Variants in APPBP2 observed in about 807,000 individuals in gnomAD.
The protein encoded by APPBP2 is amyloid protein-binding protein 2.
In APPBP2, 15 loss-of-function variants were observed where a neutral mutation model predicts 76.0. The ratio of observed to expected loss-of-function variants is 0.20; its 90% confidence interval spans 0.13 to 0.30. The LOEUF is 0.30. APPBP2 is among the 10% of genes least tolerant of loss of function. The pLI is 1.00. For synonymous variants in APPBP2, 222 were observed against 242.2 expected, an observed-to-expected ratio of 0.92 and a Z score of 0.77; for missense variants, 401 against 687.2, an observed-to-expected ratio of 0.58 and a Z score of 4.66.
chr17:60,503,190 T>G lies in APPBP2; in HGVS notation c.139-2703A>C, dbSNP rs899377602. On this transcript the variant is annotated intron_variant, in intron 1 of 12. Coordinates refer to ENST00000083182, the MANE Select transcript of APPBP2 (RefSeq NM_006380.5). ...ACCACGCCCAGGTAATTTTTGTATT[T>G]TTAGTGGCGACAAGGTTTCAACATG... Among the ~76,000 whole-genome samples, 5 of 144,800 alleles carry G rather than the reference T, an allele frequency of 3.5e-5. No homozygotes were observed. In the East Asian group the frequency reaches 5.9e-4, roughly 17 times the overall value. The allele number at this position is 144,800 out of a possible 152,430, so 95.0% of individuals were successfully genotyped here.
At chr17:60,517,022 C>G (rs1453770740) in intron 1 of APPBP2, among the ~76,000 whole-genome samples, 2 of 152,136 alleles carry the variant, frequency 1.3e-5, no homozygotes, top group Non-Finnish European at 2.9e-5. Context: ...GTCGCCCAGC[C>G]TGGAGTGCAA....
At chr17:60,519,040 G>A (rs1022823644) in intron 1 of APPBP2, among the ~76,000 whole-genome samples, 2 of 152,062 alleles carry the variant, frequency 1.3e-5, no homozygotes, top group East Asian at 1.9e-4. Flanking sequence ...CTCACTGAGC[G>A]GCCTCGACTT....
chr17:60,522,248 C>G (rs1333608529), intron 1 of APPBP2, among the ~76,000 whole-genome samples: 2 of 152,192 alleles, frequency 1.3e-5, no homozygotes, highest in Non-Finnish European at 2.9e-5. Flanking sequence ...AAAGCTACCA[C>G]TCCTATCACT....
intron 12 of APPBP2, 138 bp from the exon 13 acceptor site, chr17:60,447,972 C>T: frequency 1.3e-6 from 1 of 790,992 alleles, no homozygotes. Flanking sequence ...AGATATAATT[C>T]TTGTATCAGC....
At chr17:60,473,412 A>C (rs1484370253) in intron 4 of APPBP2, among the ~76,000 whole-genome samples, 6 of 152,232 alleles carry the variant, frequency 3.9e-5, no homozygotes, top group Non-Finnish European at 1.5e-5. Flanking sequence ...ATGTCTATTA[A>C]AAAACAACCT....
intron 1 of APPBP2, among the ~76,000 whole-genome samples, chr17:60,522,629 TC>T (rs1421532265): frequency 2.0e-5 from 3 of 152,188 alleles, no homozygotes; most frequent in Non-Finnish European, 4.4e-5. Context: ...CATCTTTAAT[TC>T]TTTTGTTCTG....
intron 3 of APPBP2, among the ~76,000 whole-genome samples, chr17:60,480,687 G>A (rs957761310): frequency 6.6e-6 from 1 of 152,030 alleles, no homozygotes; most frequent in African/African-American, 2.4e-5. Context: ...CCAACATATT[G>A]TATATTGTGC....
intron 3 of APPBP2, among the ~76,000 whole-genome samples, chr17:60,486,419 T>A (rs1428650197): frequency 6.6e-6 from 1 of 152,184 alleles, no homozygotes; most frequent in Non-Finnish European, 1.5e-5. Context: ...AGTTAGCTCT[T>A]CTTGTCGAAT....
At chr17:60,518,354 CGTGCG>C (rs2090979839) in intron 1 of APPBP2, among the ~76,000 whole-genome samples, 1 of 71,688 alleles carries the variant, frequency 1.4e-5, no homozygotes, top group African/African-American at 1.4e-4. Flanking sequence ...GCCGTGTGTG[CGTGCG>C]TGTGTGTGTG....
At chr17:60,525,746 C>G (rs1410123910) in intron 1 of APPBP2, 48 bp downstream of exon 1, 6 of 1,608,024 alleles carry the variant, frequency 3.7e-6, no homozygotes, top group Non-Finnish European at 5.1e-6. Context: ...GGGGGTGCGG[C>G]CCCCGGGGTT....
intron 1 of APPBP2, among the ~76,000 whole-genome samples, chr17:60,504,977 G>T (rs1269921683): frequency 1.3e-5 from 2 of 152,060 alleles, no homozygotes; most frequent in East Asian, 3.9e-4. Context: ...TTGTTATCAA[G>T]GAAAAATGGC....
intron 4 of APPBP2, among the ~76,000 whole-genome samples, chr17:60,473,614 A>C (rs1451004608): frequency 6.6e-6 from 1 of 152,226 alleles, no homozygotes; most frequent in Non-Finnish European, 1.5e-5. Flanking sequence ...CAGGAGTTTG[A>C]GACCAGCCTG....
rs547203871 is a variant in APPBP2 at position 60,444,879 on chromosome 17, C to G, written c.*2702G>C. 1 of 152,570 alleles carries G rather than the reference C, an allele frequency of 6.6e-6. No homozygotes were observed. The highest frequency in any genetic ancestry group is 1.9e-4 in the East Asian group (1 of 5,182). The allele number at this position is 152,570 out of a possible 1,614,324, so 9.5% of individuals were successfully genotyped here. A position where few individuals can be genotyped will look rare whatever the true frequency, so the allele number is the denominator to read the frequency against. ...AGGCCCCTAATTTAACATAACTTTG[C>G]TGAACCTCCAGAAAAATCTTTAAGT... On this transcript the variant is annotated 3_prime_UTR_variant, in exon 13 of 13. Coordinates refer to ENST00000083182, the MANE Select transcript of APPBP2 (RefSeq NM_006380.5).
At chr17:60,507,060 T>A (rs772331150) in intron 1 of APPBP2, among the ~76,000 whole-genome samples, 7 of 152,020 alleles carry the variant, frequency 4.6e-5, no homozygotes, top group East Asian at 1.9e-4. Context: ...TTTTCTTTCT[T>A]CTCTTTTCAA....
chr17:60,464,163 A>G, intron 5 of APPBP2, 53 bp from the exon 6 acceptor site: 2 of 1,437,996 alleles, frequency 1.4e-6, no homozygotes, highest in South Asian at 1.2e-5. Flanking sequence ...CAAGTTGACA[A>G]TATTTAACAA....
chr17:60,523,825 A>G lies in APPBP2; in HGVS notation c.138+1969T>C, dbSNP rs188369960. On this transcript the variant is annotated intron_variant, in intron 1 of 12. Coordinates refer to ENST00000083182, the MANE Select transcript of APPBP2 (RefSeq NM_006380.5). ...AAAATAATCTACTATCTTAAGATAG[A>G]TATCTAAGTAAAAGAGCAAGGAACT... 5.9e-3 allele frequency among the ~76,000 whole-genome samples: 893 copies of G among 152,342 alleles called. 6 individuals carry two copies. Among genetic ancestry groups the G allele is most frequent in the Middle Eastern group, 0.024 (7 of 294 alleles).
chr17:60,482,935 G>A (rs1454208550), intron 3 of APPBP2, among the ~76,000 whole-genome samples: 1 of 152,018 alleles, frequency 6.6e-6, no homozygotes, highest in Non-Finnish European at 1.5e-5. Flanking sequence ...TAATCCTTTG[G>A]GTATATACCC....
intron 12 of APPBP2, among the ~76,000 whole-genome samples, chr17:60,450,214 A>G (rs2090382640): frequency 6.6e-6 from 1 of 151,594 alleles, no homozygotes. Context: ...CAAGGCAGGC[A>G]GATCACGAGG....
At chr17:60,518,961 C>T (rs60938163) in intron 1 of APPBP2, among the ~76,000 whole-genome samples, 12,459 of 151,946 alleles carry the variant, frequency 0.082, 1,696 homozygotes, top group African/African-American at 0.28. Flanking sequence ...TTTACATTAC[C>T]TTTTTCCCCC....
Sources: gnomAD v4.1 joint callset for allele counts (sites outside exome capture counted in the v4.1 genomes callset) on GRCh38, gnomAD v4.1.1 for gene constraint, MANE v1.5 for transcripts, NCBI Gene and HGNC (gene_info 2026-07-23, HGNC 2026-07-21) for gene names.